ZFHX4: variants seen among roughly 807,000 people sequenced by gnomAD.
ZFHX4 encodes the protein zinc finger homeobox 4, also known as zinc finger homeobox protein 4.
ZFHX4 carries 56 observed loss-of-function variants against 267.6 expected under a neutral mutation model. The ratio of observed to expected loss-of-function variants is 0.21; its 90% CI spans 0.17 to 0.26. The LOEUF is 0.26. Ranked by LOEUF, ZFHX4 falls within the 10% of genes least tolerant of loss-of-function variation. The pLI is 1.00. For missense variants in ZFHX4, 4,332 were observed against 4,420.0 expected (o/e 0.98, Z 0.56); for synonymous variants, 1,778 against 1,665.6 (o/e 1.07, Z -1.64).
chr8:76,797,894 G>A (rs1342882904), intron 4 of ZFHX4, among the ~76,000 whole-genome samples: 1 of 151,124 alleles, frequency 6.6e-6, no homozygotes, highest in Non-Finnish European at 1.5e-5. Flanking sequence ...GTATGTGTGT[G>A]TGTGTGTGTG....
intron 3 of ZFHX4, among the ~76,000 whole-genome samples, chr8:76,777,627 G>A (rs1424044414): frequency 6.6e-6 from 1 of 152,072 alleles, no homozygotes; most frequent in Non-Finnish European, 1.5e-5. Flanking sequence ...ATCACGGAGG[G>A]CTCAGCTGAA....
chr8:76,827,625 G>A (rs1811820911), intron 4 of ZFHX4, among the ~76,000 whole-genome samples: 1 of 152,064 alleles, frequency 6.6e-6, no homozygotes, highest in African/African-American at 2.4e-5. Context: ...TAAAATATAA[G>A]ACATTAAGAA....
At chr8:76,748,721 A>G (rs1809535453) in intron 3 of ZFHX4, among the ~76,000 whole-genome samples, 3 of 152,148 alleles carry the variant, frequency 2.0e-5, no homozygotes, top group South Asian at 2.1e-4. Context: ...TTTAAAAACA[A>G]AAAAATTGTT....
At chr8:76,707,270 C>T (rs989772524) in intron 2 of ZFHX4, among the ~76,000 whole-genome samples, 1 of 152,112 alleles carries the variant, frequency 6.6e-6, no homozygotes, top group African/African-American at 2.4e-5. Context: ...AAGCACGTGA[C>T]TGTTTTGTTA....
chr8:76,825,132 T>C (rs557698257), intron 4 of ZFHX4, among the ~76,000 whole-genome samples: 49 of 152,308 alleles, frequency 3.2e-4, no homozygotes, highest in African/African-American at 1.1e-3. Flanking sequence ...TAAAAAGCCA[T>C]AGTACCAAAT....
chr8:76,803,812 C>G (rs528451268), intron 4 of ZFHX4, among the ~76,000 whole-genome samples: 1 of 151,984 alleles, frequency 6.6e-6, no homozygotes, highest in Non-Finnish European at 1.5e-5. Flanking sequence ...TAAATTAAAA[C>G]CCATTTTGAC....
intron 4 of ZFHX4, among the ~76,000 whole-genome samples, chr8:76,814,949 A>G (rs1394248122): frequency 6.6e-6 from 1 of 152,202 alleles, no homozygotes; most frequent in Non-Finnish European, 1.5e-5. Context: ...TCAGTGATTT[A>G]GAATAGCCTG....
chr8:76,837,836 T>G (rs891731863), intron 5 of ZFHX4, among the ~76,000 whole-genome samples: 1 of 152,162 alleles, frequency 6.6e-6, no homozygotes, highest in African/African-American at 2.4e-5. Context: ...AAAATAGCAT[T>G]TATCCAGAAA....
chr8:76,770,465 TACC>T (rs1810233663), intron 3 of ZFHX4, among the ~76,000 whole-genome samples: 1 of 152,212 alleles, frequency 6.6e-6, no homozygotes. Context: ...CCAGTAGTTG[TACC>T]TCTTCACTAT....
In ZFHX4 at chr8:76,810,772, A is replaced by G. The variant is rs868835838; in HGVS notation, c.3326-22566A>G. On this transcript the variant is annotated intron_variant, in intron 4 of 10. Transcript: ENST00000651372. ...TAATAAAAGAACAATTGTTGCAGGT[A>G]TATTTACTGCCAGTTCTGTTGTAGT... Among the ~76,000 whole-genome samples, 9 of 152,192 alleles carry G rather than the reference A, an allele frequency of 5.9e-5. No individual in the cohort carries two copies. In the South Asian group the frequency reaches 1.9e-3, roughly 32 times the overall value.
At chr8:76,773,772 A>G (rs570053697) in intron 3 of ZFHX4, among the ~76,000 whole-genome samples, 226 of 152,302 alleles carry the variant, frequency 1.5e-3, no homozygotes, top group African/African-American at 5.0e-3. Flanking sequence ...TATTTCATCT[A>G]TGCTTTTATA....
chr8:76,706,546 C>G lies in ZFHX4; in HGVS notation c.2458C>G (p.Leu820Val), dbSNP rs1020971502. The change falls in exon 2 of 11, where the codon CTT becomes GTT. Residue 820 changes from leucine (L) to valine (V), a missense_variant. By Grantham distance (32) the Leu-to-Val change is conservative (BLOSUM62 1). Around this residue, in one of 7 missense-constraint regions of ZFHX4, gnomAD observed 1,195 missense variants for 1,173.6 expected, o/e 1.02. Transcript: ENST00000651372. The stretch of plus-strand genomic sequence containing the variant: ...GGGCCTCGCCCCGGCGGAAGCAGAG[C>G]TTTATCAGTACTACCTAGCCCAGAA... The part of the protein sequence containing the change: ...HLGLAPAEAE[L>V]YQYYLAQNIG... 9 of 1,612,934 alleles carry G rather than the reference C, an allele frequency of 5.6e-6. No individual in the cohort carries two copies. The highest frequency in any genetic ancestry group is 1.3e-5 in the African/African-American group (1 of 74,942).
chr8:76,697,065 T>C (rs1207653480), intron 1 of ZFHX4, among the ~76,000 whole-genome samples: 1 of 151,994 alleles, frequency 6.6e-6, no homozygotes, highest in Non-Finnish European at 1.5e-5. Flanking sequence ...CAAGAAATGA[T>C]TTTTTAAAAA....
intron 3 of ZFHX4, among the ~76,000 whole-genome samples, chr8:76,722,752 TG>T (rs1808757088): frequency 6.6e-6 from 1 of 152,024 alleles, no homozygotes; most frequent in African/African-American, 2.4e-5. Context: ...TTTCCTTATG[TG>T]TGGAAAATAT....
chr8:76,743,161 T>A (rs1018081266), intron 3 of ZFHX4, among the ~76,000 whole-genome samples: 4 of 152,068 alleles, frequency 2.6e-5, no homozygotes, highest in Non-Finnish European at 5.9e-5. Context: ...GAGTAGAGAG[T>A]TTGCCACTAA....
chr8:76,715,188 A>G (rs535005946), intron 3 of ZFHX4, among the ~76,000 whole-genome samples: 2 of 152,304 alleles, frequency 1.3e-5, no homozygotes, highest in South Asian at 4.1e-4. Context: ...TATGAAGAAG[A>G]AAACCACATA....
Position 76,851,477 on chromosome 8 carries a change from G to T in ZFHX4, c.4556G>T (p.Arg1519Leu). The T allele has an allele frequency of 6.2e-7, 1 of 1,613,828 alleles. No individual in the cohort carries two copies. The highest frequency in any genetic ancestry group is 2.2e-5 in the East Asian group (1 of 44,836). The change falls in exon 10 of 11, where the codon CGG (arginine) becomes CTG (leucine). Residue 1519 changes from arginine to leucine, a missense_variant. This residue lies in a region of ZFHX4 where 1,371 missense variants were observed against 1,423.1 expected (regional missense o/e 0.96). Coordinates refer to ENST00000651372, the MANE Select transcript of ZFHX4 (RefSeq NM_024721.5). ...IPDDMGSEPK[R>L]TLPFRKGPNF... ...GATGACATGGGCTCTGAACCAAAGC[G>T]GACCTTACCTTTTAGAAAAGGGCCC...
intron 1 of ZFHX4, among the ~76,000 whole-genome samples, chr8:76,697,731 C>G (rs1206251013): frequency 1.3e-5 from 2 of 151,974 alleles, no homozygotes; most frequent in Non-Finnish European, 2.9e-5. Flanking sequence ...TTTACACAAC[C>G]TTTCCATAAC....
chr8:76,857,989 G>C (rs1487663020), intron 10 of ZFHX4, among the ~76,000 whole-genome samples: 5 of 152,014 alleles, frequency 3.3e-5, no homozygotes, highest in Non-Finnish European at 5.9e-5. Flanking sequence ...TCTTTACATG[G>C]GCTGAAAACA....
Sources: gnomAD v4.1 joint callset for allele counts (sites outside exome capture counted in the v4.1 genomes callset) on GRCh38, gnomAD v4.1.1 for gene constraint, gnomAD v4.1.1 regional missense constraint, MANE v1.5 for transcripts, NCBI Gene and HGNC (gene_info 2026-07-23, HGNC 2026-07-21) for gene names.